The following TMEM237 variants were observed in gnomAD, a reference collection of about 807,000 sequenced individuals.
The protein encoded by TMEM237 is transmembrane protein 237, also known as amyotrophic lateral sclerosis 2 (juvenile) chromosome region, candidate 4.
TMEM237 carries 51 observed loss-of-function variants against 59.1 expected under a neutral mutation model. The observed-to-expected ratio is 0.86, with a 90% CI of 0.69 to 1.09. The LOEUF is 1.09. Ranked by LOEUF, TMEM237 falls within the 50% of genes least tolerant of loss-of-function variation. The pLI is 0.00. For synonymous variants in TMEM237, 140 were observed against 166.1 expected, an observed-to-expected ratio of 0.84 and a Z score of 1.21; for missense variants, 475 against 478.3, an observed-to-expected ratio of 0.99 and a Z score of 0.06.
At chr2:201,627,539 CAAAT>C in intron 10 of TMEM237, 125 bp from the exon 11 acceptor site, 1 of 617,756 alleles carries the variant, frequency 1.6e-6, no homozygotes, top group Admixed American at 3.1e-5. Context: ...TTTATTTGAC[CAAAT>C]AAATATATTT....
At chr2:201,637,361 C>T (rs1687316942) in intron 4 of TMEM237, among the ~76,000 whole-genome samples, 1 of 152,166 alleles carries the variant, frequency 6.6e-6, no homozygotes. Flanking sequence ...TGGTCATTCA[C>T]TTCAACTTCT....
In TMEM237 at chr2:201,625,015, T is replaced by C. The variant is rs187003016; in HGVS notation, c.1160-693A>G. Among the ~76,000 whole-genome samples the C allele has an allele frequency of 2.2e-4, 34 of 152,272 alleles. No individual in the cohort carries two copies. In the East Asian group the frequency reaches 6.2e-3, roughly 28 times the overall value. On this transcript the variant is annotated intron_variant, in intron 12 of 12. Transcript: ENST00000409883. Reference sequence around the variant, plus strand: ...TAAGGCTTCTGAGGCAGATAGGTTGTAAATAGTTGGTCAAATAAAAAATAA... The same window carrying C: ...TAAGGCTTCTGAGGCAGATAGGTTGCAAATAGTTGGTCAAATAAAAAATAA...
At position 201,620,396 on chromosome 2, in the gene TMEM237, C is replaced by G. The variant is rs1305727638; in HGVS notation, c.*3859G>C. On this transcript the variant is annotated 3_prime_UTR_variant, in exon 13 of 13. Coordinates refer to ENST00000409883, the MANE Select transcript of TMEM237 (RefSeq NM_001044385.3). The stretch of plus-strand genomic sequence containing the variant: ...ACACATATCCTAAAGGCAGAGTTAA[C>G]TGCTATATCCAAGCTACTTCTTGGC... 1.3e-5 allele frequency: 2 copies of G among 152,142 alleles called. No individual in the cohort carries two copies. The highest frequency in any genetic ancestry group is 1.3e-4 in the Admixed American group (2 of 15,270). 9.4% of individuals were successfully genotyped at this position (152,142 alleles called of 1,614,324 possible). A position where few individuals can be genotyped will look rare whatever the true frequency, so the allele number is the denominator to read the frequency against.
rs1687280919 is a variant in TMEM237 at position 201,635,471 on chromosome 2, A to G, written c.274+1277T>C. Among the ~76,000 whole-genome samples, 1 of 152,238 alleles carries G rather than the reference A, an allele frequency of 6.6e-6. No homozygotes were observed. The highest frequency in any genetic ancestry group is 6.5e-5 in the Admixed American group (1 of 15,278). ...GGACTGTCAACAACCATAAGAAGCT[A>G]GAAGAAATGGCCAGGCGCGGTGGCT... On this transcript the variant is annotated intron_variant, in intron 5 of 12. Transcript: ENST00000409883. The surrounding 1 kb of genome is among the most constrained non-coding windows in gnomAD (Gnocchi z 4.5).
rs754025318 is a variant in TMEM237 at position 201,642,646 on chromosome 2, G to C, written c.42+713C>G. The C allele has an allele frequency of 6.8e-6, 11 of 1,607,758 alleles. No individual in the cohort carries two copies. The East Asian group carries it at 9.1e-5, about 13-fold the overall frequency. On this transcript the variant is annotated intron_variant, in intron 1 of 12. Transcript: ENST00000409883. ...CCCCATTCTGCGTTTAGCCGGCCTC[G>C]GCGGCCGCCGGCCCCCAAGCACCTG...
chr2:201,627,953 ATCT>A (rs1957773431), intron 10 of TMEM237, 120 bp downstream of exon 10: 6 of 558,116 alleles, frequency 1.1e-5, no homozygotes, highest in Non-Finnish European at 1.2e-5. Context: ...TTCACTGAAC[ATCT>A]ATAGGTAATG....
Position 201,621,159 on chromosome 2 carries a change from A to C in TMEM237, c.*3096T>G, listed in dbSNP as rs971282536. 1.3e-5 allele frequency: 2 copies of C among 152,224 alleles called. No individual in the cohort carries two copies. The highest frequency in any genetic ancestry group is 2.9e-5 in the Non-Finnish European group (2 of 68,038). 9.4% of individuals were successfully genotyped at this position (152,224 alleles called of 1,614,324 possible). On this transcript the variant is annotated 3_prime_UTR_variant, in exon 13 of 13. Transcript: ENST00000409883. ...AAAATCTAATCAAACCACCAGACCT[A>C]ACCTCCAGTCTATAGGAAATTCAGG...
chr2:201,633,123 C>T (rs1188422639), intron 6 of TMEM237, among the ~76,000 whole-genome samples, 188 bp downstream of exon 6: 1 of 150,936 alleles, frequency 6.6e-6, no homozygotes, highest in Non-Finnish European at 1.5e-5. Context: ...TTTTTATTTT[C>T]TCAGTGGTTT....
chr2:201,624,275 C>A lies in TMEM237; in HGVS notation c.1207G>T (p.Glu403Ter), dbSNP rs779067694. The A allele has an allele frequency of 6.8e-6, 11 of 1,611,920 alleles. No individual in the cohort carries two copies. The East Asian group carries it at 2.0e-4, about 30-fold the overall frequency. ...TGGTATTATGAAGAGGCTTTGATTT[C>A]TTTCTCTTTATCAGGATATTCTTCC... Reference protein sequence around the residue: ...EVEEYPDKEKEIKASS With the variant: ...EVEEYPDKEK The change falls in exon 13 of 13, where the codon GAA becomes TAA. Residue 403 changes from glutamate to a stop codon, truncating the protein, a stop_gained. Transcript: ENST00000409883. LOFTEE classifies it high-confidence loss of function.
chr2:201,633,421 A>T lies in TMEM237; in HGVS notation c.285T>A (p.Thr95=), dbSNP rs1366520278. 1.9e-6 allele frequency: 3 copies of T among 1,549,896 alleles called. No homozygotes were observed. The highest frequency in any genetic ancestry group is 2.6e-6 in the Non-Finnish European group (3 of 1,148,648). The change falls in exon 6 of 13, where the codon ACT becomes ACA. Residue 95 remains threonine, a synonymous_variant. Transcript: ENST00000409883. ...TAGATGACTTCTTTTGGGTGGAGGAAGTCTCCAATTCTGAAAACAAAATAA... is the reference window on the plus strand; with the variant it reads ...TAGATGACTTCTTTTGGGTGGAGGATGTCTCCAATTCTGAAAACAAAATAA... ...KKTRLPLELE[T]SSTQKKSSSS...
chr2:201,632,046 C>G lies in TMEM237; in HGVS notation c.553+5G>C. 1 of 1,613,652 alleles carries G rather than the reference C, an allele frequency of 6.2e-7. No homozygotes were observed. Among genetic ancestry groups the G allele is most frequent in the Non-Finnish European group, 8.5e-7 (1 of 1,179,694 alleles). On this transcript the variant is annotated splice_donor_5th_base_variant and intron_variant, in intron 7 of 12. Coordinates refer to ENST00000409883, the MANE Select transcript of TMEM237 (RefSeq NM_001044385.3). The stretch of plus-strand genomic sequence containing the variant: ...TTCATATTCTAAAACAAGGCATCTA[C>G]TTACGGCTTTTTTCCACAAATACTT...
Position 201,640,880 on chromosome 2 carries a change from A to G in TMEM237, c.74+13T>C, listed in dbSNP as rs1193755838. On this transcript the variant is annotated intron_variant, in intron 2 of 12. Transcript: ENST00000409883. The stretch of plus-strand genomic sequence containing the variant: ...TAAAGCTCAATAATGAAATTACTGT[A>G]AATTATTTTTACCTTGGCACAGGTG... 2 of 1,577,798 alleles carry G rather than the reference A, an allele frequency of 1.3e-6. No homozygotes were observed. Among genetic ancestry groups the G allele is most frequent in the Non-Finnish European group, 1.7e-6 (2 of 1,156,266 alleles).
Position 201,621,249 on chromosome 2 carries a change from G to C in TMEM237, c.*3006C>G, listed in dbSNP as rs1957705523. The C allele has an allele frequency of 6.6e-6, 1 of 152,138 alleles. No homozygotes were observed. 9.4% of individuals were successfully genotyped at this position (152,138 alleles called of 1,614,324 possible). ...TCAGACAATTAAAAAATGTAGGTGA[G>C]GCACTCTAAAGCAACTAGCTTGGAC... On this transcript the variant is annotated 3_prime_UTR_variant, in exon 13 of 13. Transcript: ENST00000409883.
At chr2:201,627,483 A>T in intron 10 of TMEM237, 69 bp from the exon 11 acceptor site, 3 of 1,026,710 alleles carry the variant, frequency 2.9e-6, no homozygotes, top group Non-Finnish European at 4.3e-6. Context: ...TTATAGATTA[A>T]TATCGAAAAT....
At position 201,620,606 on chromosome 2, in the gene TMEM237, C is replaced by T. The variant is rs1957691732; in HGVS notation, c.*3649G>A. ...GTTTTGAGAGAATTATCCTTGGCTA[C>T]AAGGATCAATAACAAGGATGTTGCC... On this transcript the variant is annotated 3_prime_UTR_variant, in exon 13 of 13. Coordinates refer to ENST00000409883, the MANE Select transcript of TMEM237 (RefSeq NM_001044385.3). The T allele has an allele frequency of 1.3e-5, 2 of 152,186 alleles. No individual in the cohort carries two copies. The highest frequency in any genetic ancestry group is 1.3e-4 in the Admixed American group (2 of 15,288). 9.4% of individuals were successfully genotyped at this position (152,186 alleles called of 1,614,324 possible). A position where few individuals can be genotyped will look rare whatever the true frequency, so the allele number is the denominator to read the frequency against.
intron 5 of TMEM237, 140 bp downstream of exon 5, chr2:201,636,608 G>T: frequency 1.1e-6 from 1 of 901,896 alleles, no homozygotes; most frequent in Non-Finnish European, 1.6e-6. Flanking sequence ...AGTTATTCTA[G>T]TGGTAAATAT....
rs1465121508 is a variant in TMEM237 at position 201,620,998 on chromosome 2, T to G, written c.*3257A>C. The G allele has an allele frequency of 1.3e-5, 2 of 152,220 alleles. No homozygotes were observed. The highest frequency in any genetic ancestry group is 4.8e-5 in the African/African-American group (2 of 41,460). 9.4% of individuals were successfully genotyped at this position (152,220 alleles called of 1,614,324 possible). On this transcript the variant is annotated 3_prime_UTR_variant, in exon 13 of 13. Transcript: ENST00000409883. Reference sequence around the variant, plus strand: ...AAGGCCCTTAACACATTTGTCATTATTTCAGATTTATACTATGTGGTGTGT... The same window carrying G: ...AAGGCCCTTAACACATTTGTCATTAGTTCAGATTTATACTATGTGGTGTGT...
chr2:201,638,158 C>A (rs560728982), intron 4 of TMEM237, among the ~76,000 whole-genome samples: 1 of 152,262 alleles, frequency 6.6e-6, no homozygotes, highest in Admixed American at 6.5e-5. Context: ...ACATTCTTAT[C>A]ATGTAATACA....
intron 3 of TMEM237, among the ~76,000 whole-genome samples, chr2:201,639,898 A>G (rs1009905220): frequency 5.9e-5 from 9 of 152,232 alleles, no homozygotes; most frequent in Non-Finnish European, 1.2e-4. Context: ...CTTTGTATTA[A>G]TTAGAAATAA....
Sources: allele counts gnomAD v4.1 joint callset (sites outside exome capture counted in the v4.1 genomes callset), GRCh38; gene constraint gnomAD v4.1.1; non-coding constraint Gnocchi (gnomAD v3.1); transcripts MANE v1.5; gene names NCBI Gene and HGNC (gene_info 2026-07-23, HGNC 2026-07-21).